Variants in KLHL14 observed in about 807,000 individuals in gnomAD.
The protein encoded by KLHL14 is kelch-like protein 14.
A neutral mutation model predicts 64.3 loss-of-function variants in KLHL14; 22 were observed. That is an observed-to-expected ratio of 0.34 (90% CI 0.24 to 0.49). KLHL14 has a LOEUF of 0.49. Among genes scored for constraint, KLHL14 ranks in the 20% least tolerant of loss-of-function variants. The probability of loss-of-function intolerance (pLI) is 0.99; values close to 1 mark genes in which losing one functional copy is unlikely to be tolerated. For synonymous variants in KLHL14, 322 were observed against 333.4 expected (o/e 0.97, Z 0.37); for missense variants, 661 against 789.0 (o/e 0.84, Z 1.94).
chr18:32,752,940 G>C (rs1435136485), intron 2 of KLHL14, among the ~76,000 whole-genome samples: 1 of 144,834 alleles, frequency 6.9e-6, no homozygotes, highest in Non-Finnish European at 1.5e-5. Context: ...TCTGGGATGG[G>C]ACCCAGCATC....
chr18:32,740,816 G>T (rs960111863), intron 3 of KLHL14: 1 of 152,050 alleles, frequency 6.6e-6, no homozygotes, highest in Non-Finnish European at 1.5e-5. Flanking sequence ...GAGCTTTCTT[G>T]TTGCAGTTCC....
intron 1 of KLHL14, chr18:32,772,123 C>T: frequency 9.0e-6 from 2 of 222,272 alleles, no homozygotes; most frequent in South Asian, 6.0e-5. Context: ...CCGGCCCGCC[C>T]GCCCGGGGGA....
intron 2 of KLHL14, among the ~76,000 whole-genome samples, chr18:32,746,732 A>AAAG (rs2050225684): frequency 1.3e-5 from 2 of 152,386 alleles, no homozygotes; most frequent in African/African-American, 4.8e-5. Context: ...CTCATTTATG[A>AAAG]AAGAAGATAT....
chr18:32,762,748 G>A (rs1486136616), intron 2 of KLHL14, among the ~76,000 whole-genome samples: 1 of 152,054 alleles, frequency 6.6e-6, no homozygotes, highest in Non-Finnish European at 1.5e-5. Flanking sequence ...ATCATCATTA[G>A]TAATGCCTGT....
In KLHL14 at chr18:32,680,688, G is replaced by A; in HGVS notation, c.1239-89C>T. 1 of 1,273,678 alleles carries A rather than the reference G, an allele frequency of 7.9e-7. No individual in the cohort carries two copies. The highest frequency in any genetic ancestry group is 1.4e-5 in the South Asian group (1 of 71,216). The allele number at this position is 1,273,678 out of a possible 1,614,324, so 78.9% of individuals were successfully genotyped here. On this transcript the variant is annotated intron_variant, in intron 5 of 8. Transcript: ENST00000359358. This position sits in a 1 kb window ranked among gnomAD's most constrained non-coding sequence, Gnocchi z 4.8. ...AGATAAGCACCACACAGCTAGTCAG[G>A]GAAAGGGGTGCATTCTGCTTCAGAA...
At chr18:32,686,655 T>G (rs998400058) in intron 5 of KLHL14, among the ~76,000 whole-genome samples, 4 of 152,022 alleles carry the variant, frequency 2.6e-5, no homozygotes, top group African/African-American at 4.8e-5. Context: ...CAAGACAAAA[T>G]TTACTATTGA....
chr18:32,682,901 T>G (rs1442629945), intron 5 of KLHL14, among the ~76,000 whole-genome samples: 3 of 152,190 alleles, frequency 2.0e-5, no homozygotes, highest in African/African-American at 7.2e-5. Context: ...TCTGAAACAA[T>G]GCATTTTCTT....
At chr18:32,767,676 A>C (rs1371876121) in intron 2 of KLHL14, among the ~76,000 whole-genome samples, 1 of 152,230 alleles carries the variant, frequency 6.6e-6, no homozygotes, top group Non-Finnish European at 1.5e-5. Context: ...AATCTTGACT[A>C]AAGTGGGAAA....
intron 2 of KLHL14, among the ~76,000 whole-genome samples, chr18:32,759,801 G>T (rs2050304552): frequency 6.6e-6 from 1 of 152,014 alleles, no homozygotes; most frequent in Non-Finnish European, 1.5e-5. Flanking sequence ...TGGTGGTACA[G>T]TTGCTATAGT....
At chr18:32,743,682 G>A (rs1205901468) in intron 2 of KLHL14, 2 of 152,186 alleles carry the variant, frequency 1.3e-5, no homozygotes. Flanking sequence ...TTATAGACTA[G>A]TAGTTGGCAA....
intron 4 of KLHL14, among the ~76,000 whole-genome samples, chr18:32,691,120 T>C (rs906890013): frequency 6.6e-6 from 1 of 152,220 alleles, no homozygotes; most frequent in Non-Finnish European, 1.5e-5. Context: ...AGATTAATGA[T>C]ATTCATAGGA....
intron 2 of KLHL14, 71 bp from the exon 3 acceptor site, chr18:32,742,120 T>A: frequency 1.3e-6 from 2 of 1,482,782 alleles, no homozygotes; most frequent in Non-Finnish European, 1.8e-6. Context: ...AACGAAATCA[T>A]AACCATCAAA....
intron 2 of KLHL14, among the ~76,000 whole-genome samples, chr18:32,757,060 T>A (rs2144545387): frequency 1.3e-5 from 2 of 152,328 alleles, no homozygotes; most frequent in South Asian, 4.1e-4. Context: ...CTTTCTTATG[T>A]ATCAAAGATG....
At chr18:32,686,709 A>G (rs2049880877) in intron 5 of KLHL14, among the ~76,000 whole-genome samples, 1 of 152,188 alleles carries the variant, frequency 6.6e-6, no homozygotes, top group South Asian at 2.1e-4. Flanking sequence ...CTAAATATCT[A>G]ACATTTAAAT....
intron 3 of KLHL14, chr18:32,733,944 A>G (rs1441485089): frequency 1.8e-6 from 1 of 552,730 alleles, no homozygotes; most frequent in Non-Finnish European, 3.2e-6. Flanking sequence ...GGGACCAGAT[A>G]ATTTCTCTTT....
At chr18:32,732,547 C>T (rs186836035) in intron 3 of KLHL14, among the ~76,000 whole-genome samples, 60 of 152,270 alleles carry the variant, frequency 3.9e-4, no homozygotes, top group East Asian at 1.5e-3. Context: ...TTTGCTGATA[C>T]GCCATGTTAT....
intron 5 of KLHL14, among the ~76,000 whole-genome samples, chr18:32,684,101 C>T (rs1319127330): frequency 6.6e-6 from 1 of 151,692 alleles, no homozygotes; most frequent in East Asian, 1.9e-4. Flanking sequence ...TCAACTTTTA[C>T]TGAAAAAAAA....
intron 2 of KLHL14, among the ~76,000 whole-genome samples, chr18:32,749,437 C>T (rs971100269): frequency 6.6e-6 from 1 of 152,158 alleles, no homozygotes; most frequent in Non-Finnish European, 1.5e-5. Context: ...ATAATGGTAT[C>T]CTCTTACAAG....
At chr18:32,681,909 T>C (rs1164451309) in intron 5 of KLHL14, among the ~76,000 whole-genome samples, 3 of 152,178 alleles carry the variant, frequency 2.0e-5, no homozygotes, top group African/African-American at 7.2e-5. Context: ...GTGTGGCCTT[T>C]GACATGTCAC....
Sources: gnomAD v4.1 joint callset for allele counts (sites outside exome capture counted in the v4.1 genomes callset) on GRCh38, gnomAD v4.1.1 for gene constraint, Gnocchi (gnomAD v3.1) non-coding constraint, MANE v1.5 for transcripts, NCBI Gene and HGNC (gene_info 2026-07-23, HGNC 2026-07-21) for gene names.